The following CCDC102B variants were observed in gnomAD, a reference collection of about 807,000 sequenced individuals.
CCDC102B encodes coiled-coil domain containing 102B.
CCDC102B carries 75 observed loss-of-function variants against 57.4 expected under a neutral mutation model. That is an observed-to-expected ratio of 1.31 (90% CI 1.08 to 1.58). The LOEUF is 1.58. Ranked by LOEUF, CCDC102B falls within the 40% of genes most tolerant of loss-of-function variation. The pLI, the probability that CCDC102B is intolerant of heterozygous loss-of-function variation, is 0.00. For synonymous variants in CCDC102B, 206 were observed against 201.9 expected (o/e 1.02, Z -0.17); for missense variants, 636 against 582.6 (o/e 1.09, Z -0.94).
At chr18:69,022,771 C>T (rs80216553) in intron 7 of CCDC102B, among the ~76,000 whole-genome samples, 4,532 of 152,140 alleles carry the variant, frequency 0.03, 147 homozygotes, top group East Asian at 0.16. Context: ...TTTTGCACAA[C>T]ATGTCCTTTG....
intron 6 of CCDC102B, among the ~76,000 whole-genome samples, chr18:68,979,423 C>G (rs2050520357): frequency 6.6e-6 from 1 of 151,674 alleles, no homozygotes; most frequent in South Asian, 2.1e-4. Flanking sequence ...GAAACAAAAG[C>G]TTAAGACAAT....
intron 1 of CCDC102B, among the ~76,000 whole-genome samples, chr18:68,819,327 TC>T (rs1227987886): frequency 6.6e-6 from 1 of 152,046 alleles, no homozygotes; most frequent in African/African-American, 2.4e-5. Context: ...TTGACCTAGT[TC>T]CTTTTGTTGA....
chr18:68,779,524 T>A (rs910417268), intron 2 of CCDC102B, among the ~76,000 whole-genome samples: 3 of 150,214 alleles, frequency 2.0e-5, no homozygotes, highest in Non-Finnish European at 4.4e-5. Flanking sequence ...AGAAATTCAA[T>A]AATGTACATC....
intron 4 of CCDC102B, among the ~76,000 whole-genome samples, chr18:68,857,193 ATT>A (rs372487869): frequency 3.1e-5 from 1 of 31,800 alleles, no homozygotes; most frequent in African/African-American, 1.5e-4. Context: ...ATATTTATAT[ATT>A]TTTATATAAT....
intron 4 of CCDC102B, among the ~76,000 whole-genome samples, chr18:68,851,008 G>A (rs2038098782): frequency 6.6e-6 from 1 of 151,822 alleles, no homozygotes; most frequent in African/African-American, 2.4e-5. Flanking sequence ...TTTTATATTT[G>A]TTTACTGTTG....
Position 69,010,920 on chromosome 18 carries a change from T to G in CCDC102B, c.1264-14T>G, listed in dbSNP as rs2051497491. 1.3e-6 allele frequency: 2 copies of G among 1,553,450 alleles called. No homozygotes were observed. The highest frequency in any genetic ancestry group is 1.7e-6 in the Non-Finnish European group (2 of 1,148,308). On this transcript the variant is annotated splice_polypyrimidine_tract_variant and intron_variant, in intron 6 of 7. Coordinates refer to ENST00000360242, the MANE Select transcript of CCDC102B (RefSeq NM_024781.3). The stretch of plus-strand genomic sequence containing the variant: ...TAGACTATAAATAATGTAATTTTTG[T>G]TTTCCTTTGAAAGGAATTACTGAAC...
chr18:68,758,685 T>TTTTAAAACTAGTTTAAACTAG (rs2034140756), intron 2 of CCDC102B, among the ~76,000 whole-genome samples: 1 of 151,392 alleles, frequency 6.6e-6, no homozygotes, highest in Non-Finnish European at 1.5e-5. Flanking sequence ...ATATCTATAG[T>TTTTAAAACTAGTTTAAACTAG]TTTAAAACTA....
chr18:68,893,072 T>C (rs1016792946), intron 5 of CCDC102B, among the ~76,000 whole-genome samples: 9 of 152,244 alleles, frequency 5.9e-5, no homozygotes, highest in African/African-American at 2.2e-4. Flanking sequence ...TAAAAAGTGA[T>C]TGTCATCTTG....
At chr18:68,788,136 G>T (rs1202326413) in intron 2 of CCDC102B, among the ~76,000 whole-genome samples, 6 of 152,212 alleles carry the variant, frequency 3.9e-5, no homozygotes, top group East Asian at 1.9e-4. Context: ...TAGTTGAGCG[G>T]TTTTGAGTGA....
intron 6 of CCDC102B, among the ~76,000 whole-genome samples, chr18:68,974,202 C>A (rs900990139): frequency 6.6e-6 from 1 of 151,930 alleles, no homozygotes; most frequent in Non-Finnish European, 1.5e-5. Context: ...GTTCTGTGCT[C>A]GTGAATGGAT....
intron 6 of CCDC102B, among the ~76,000 whole-genome samples, chr18:68,949,313 A>G (rs2049629588): frequency 6.6e-6 from 1 of 152,136 alleles, no homozygotes; most frequent in African/African-American, 2.4e-5. Flanking sequence ...ATAAGTTATA[A>G]GAGATGGAAA....
intron 6 of CCDC102B, among the ~76,000 whole-genome samples, chr18:68,981,300 T>C (rs2050573712): frequency 6.6e-6 from 1 of 151,904 alleles, no homozygotes; most frequent in African/African-American, 2.4e-5. Context: ...ACCCAACCAA[T>C]AAAGTAAGAG....
chr18:68,966,886 T>G (rs1599765808), intron 6 of CCDC102B, among the ~76,000 whole-genome samples: 1 of 152,132 alleles, frequency 6.6e-6, no homozygotes, highest in African/African-American at 2.4e-5. Flanking sequence ...CCAGCTGTGG[T>G]GGAATCTACC....
intron 2 of CCDC102B, among the ~76,000 whole-genome samples, chr18:68,761,246 T>G (rs550369682): frequency 6.6e-6 from 1 of 152,164 alleles, no homozygotes; most frequent in East Asian, 1.9e-4. Flanking sequence ...TTATTTTCTC[T>G]AATTATACAT....
chr18:68,975,520 G>A (rs1292054396), intron 6 of CCDC102B, among the ~76,000 whole-genome samples: 1 of 151,970 alleles, frequency 6.6e-6, no homozygotes, highest in Non-Finnish European at 1.5e-5. Context: ...TAGTAAAACT[G>A]TTTCTGAGTC....
intron 2 of CCDC102B, among the ~76,000 whole-genome samples, chr18:68,758,301 A>G (rs573909245): frequency 4.0e-5 from 6 of 151,726 alleles, no homozygotes; most frequent in Non-Finnish European, 8.8e-5. Flanking sequence ...TTATATATAT[A>G]AAAATAATTT....
intron 6 of CCDC102B, 154 bp downstream of exon 6, chr18:68,897,582 T>C (rs1424497564): frequency 6.3e-7 from 1 of 1,578,916 alleles, no homozygotes; most frequent in Non-Finnish European, 8.6e-7. Context: ...CACTAGGATG[T>C]AAAATAACGT....
chr18:68,715,910 G>A (rs2031936753), intron 1 of CCDC102B, among the ~76,000 whole-genome samples: 1 of 152,056 alleles, frequency 6.6e-6, no homozygotes, highest in Non-Finnish European at 1.5e-5. Flanking sequence ...CAACAGAAGG[G>A]GGATATGATG....
In CCDC102B at chr18:68,833,311, A is replaced by G. The variant is rs185184064; in HGVS notation, c.-15-3438A>G. Reference sequence around the variant, plus strand: ...TTCCACTGATTGATATCAACATTATATAGAAATTGGAACTGCAACTTTATT... The same window carrying G: ...TTCCACTGATTGATATCAACATTATGTAGAAATTGGAACTGCAACTTTATT... On this transcript the variant is annotated intron_variant, in intron 1 of 7. Transcript: ENST00000360242. Among the ~76,000 whole-genome samples the G allele has an allele frequency of 3.7e-3, 559 of 151,986 alleles. 2 individuals carry two copies. The highest frequency in any genetic ancestry group is 0.017 in the East Asian group (87 of 5,164).
Sources: allele counts gnomAD v4.1 joint callset (sites outside exome capture counted in the v4.1 genomes callset), GRCh38; gene constraint gnomAD v4.1.1; transcripts MANE v1.5; gene names NCBI Gene and HGNC (gene_info 2026-07-23, HGNC 2026-07-21).